RIPOR2: variants seen among roughly 807,000 people sequenced by gnomAD.
RIPOR2 encodes RHO family interacting cell polarization regulator 2.
A neutral mutation model predicts 114.5 loss-of-function variants in RIPOR2; 39 were observed. The ratio of observed to expected loss-of-function variants is 0.34; its 90% CI spans 0.26 to 0.44. The LOEUF is 0.44. RIPOR2 is among the 20% of genes least tolerant of loss of function. RIPOR2 has a pLI of 1.00. For missense variants in RIPOR2, 1,007 were observed against 1,255.1 expected (o/e 0.80, Z 2.99); for synonymous variants, 445 against 484.4 (o/e 0.92, Z 1.07).
chr6:25,009,939 A>C (rs1315709286), intron 1 of RIPOR2, among the ~76,000 whole-genome samples: 1 of 152,048 alleles, frequency 6.6e-6, no homozygotes, highest in Admixed American at 6.6e-5. Flanking sequence ...GAGGCAGGAG[A>C]GCATGGGAGA....
At chr6:25,012,404 T>TAC (rs1188349639) in intron 1 of RIPOR2, among the ~76,000 whole-genome samples, 22 of 152,288 alleles carry the variant, frequency 1.4e-4, no homozygotes, top group Non-Finnish European at 2.9e-4. Flanking sequence ...AAAACATATA[T>TAC]ACACATAATG....
intron 1 of RIPOR2, among the ~76,000 whole-genome samples, chr6:24,934,822 T>C (rs1474668958): frequency 6.6e-6 from 1 of 152,112 alleles, no homozygotes; most frequent in East Asian, 1.9e-4. Flanking sequence ...CCCTTTAAAA[T>C]CGCAACCTTT....
At chr6:25,023,554 C>T (rs571092633) in intron 1 of RIPOR2, 6 of 773,064 alleles carry the variant, frequency 7.8e-6, no homozygotes, top group Non-Finnish European at 1.4e-5. Flanking sequence ...ATTTCAAGCC[C>T]AGGCCTTGTT....
intron 1 of RIPOR2, among the ~76,000 whole-genome samples, chr6:24,894,124 T>C (rs1252531548): frequency 6.6e-6 from 1 of 152,232 alleles, no homozygotes; most frequent in Non-Finnish European, 1.5e-5. Flanking sequence ...CATCTCCTGG[T>C]GGCTACACAG....
intron 1 of RIPOR2, among the ~76,000 whole-genome samples, chr6:25,005,951 A>G (rs1775546788): frequency 6.6e-6 from 1 of 151,760 alleles, no homozygotes; most frequent in South Asian, 2.1e-4. Context: ...AAACTCTACA[A>G]TTCTATGCCC....
chr6:24,818,883 A>G (rs1759417460), intron 19 of RIPOR2, among the ~76,000 whole-genome samples: 1 of 151,758 alleles, frequency 6.6e-6, no homozygotes, highest in Non-Finnish European at 1.5e-5. Context: ...GAGTAACATA[A>G]TGACCGTGGG....
At chr6:24,852,089 A>G (rs898783882) in intron 9 of RIPOR2, among the ~76,000 whole-genome samples, 1 of 151,850 alleles carries the variant, frequency 6.6e-6, no homozygotes, top group East Asian at 1.9e-4. Flanking sequence ...GTGAAACCCC[A>G]TCTCTACTAA....
chr6:24,972,608 A>G (rs1773836358), intron 1 of RIPOR2, among the ~76,000 whole-genome samples: 1 of 152,222 alleles, frequency 6.6e-6, no homozygotes. Context: ...GGATATTATA[A>G]TGCCTCATGG....
intron 1 of RIPOR2, among the ~76,000 whole-genome samples, chr6:25,029,523 C>A (rs933583705): frequency 1.3e-5 from 2 of 151,482 alleles, no homozygotes; most frequent in African/African-American, 4.9e-5. Context: ...TTGACTGTAC[C>A]GAGAGAGTGA....
intron 1 of RIPOR2, among the ~76,000 whole-genome samples, chr6:24,941,344 G>A (rs1378266781): frequency 1.3e-5 from 2 of 151,874 alleles, no homozygotes; most frequent in Non-Finnish European, 2.9e-5. Context: ...AGGTATGACT[G>A]CTGGGAGTGG....
intron 1 of RIPOR2, among the ~76,000 whole-genome samples, chr6:24,986,348 G>A (rs1774527769): frequency 6.6e-6 from 1 of 152,146 alleles, no homozygotes; most frequent in African/African-American, 2.4e-5. Context: ...GATACTTTTT[G>A]GAGGACTCAT....
At chr6:24,904,103 C>T (rs115291204) in intron 1 of RIPOR2, among the ~76,000 whole-genome samples, 3,050 of 152,254 alleles carry the variant, frequency 0.02, 40 homozygotes, top group Non-Finnish European at 0.03. Flanking sequence ...AAGGTAGAAG[C>T]GGGGGCAAGG....
intron 1 of RIPOR2, among the ~76,000 whole-genome samples, chr6:24,879,323 C>G (rs191541725): frequency 6.6e-6 from 1 of 152,054 alleles, no homozygotes; most frequent in Non-Finnish European, 1.5e-5. Context: ...TCCAGCCTGG[C>G]GAGAGTGGGG....
chr6:25,023,759 G>T (rs1481239877), intron 1 of RIPOR2: 5 of 801,200 alleles, frequency 6.2e-6, no homozygotes, highest in African/African-American at 1.7e-5. Context: ...CAAGGAGGTC[G>T]GGTGGGTGGA....
chr6:24,835,823 G>T lies in RIPOR2; in HGVS notation c.2088C>A (p.Leu696=), dbSNP rs1180391937. Residue 696 remains leucine, a synonymous_variant, in exon 15 of 22, where the codon CTC becomes CTA. Transcript: ENST00000643898. ...PEARGHLSEA[L]TEDTGVGTSV... is the part of the protein sequence containing the mutation. ...TGGTCCCAACTCCTGTGTCTTCAGT[G>T]AGCGCTTCACTGAGATGCCCCCTGG... The T allele has an allele frequency of 1.3e-6, 2 of 1,551,478 alleles. No individual in the cohort carries two copies. Among genetic ancestry groups the T allele is most frequent in the Non-Finnish European group, 1.7e-6 (2 of 1,146,978 alleles).
rs569359523 is a variant in RIPOR2, at chr6:24,968,350, C to T, written c.76+73501G>A. Reference sequence around the variant, plus strand: ...TGCCATTAAGAGGTCAGAGAGGACCCCTCCACTTCTGGAAGCACCTTTGGG... The same window carrying T: ...TGCCATTAAGAGGTCAGAGAGGACCTCTCCACTTCTGGAAGCACCTTTGGG... On this transcript the variant is annotated intron_variant, in intron 1 of 13. Coordinates refer to the RIPOR2 transcript ENST00000510784. Among the ~76,000 whole-genome samples, 5 of 152,278 alleles carry T rather than the reference C, an allele frequency of 3.3e-5. No homozygotes were observed. The South Asian group carries it at 1.0e-3, about 32-fold the overall frequency.
intron 1 of RIPOR2, among the ~76,000 whole-genome samples, chr6:24,970,821 T>G (rs566940459): frequency 6.6e-6 from 1 of 152,052 alleles, no homozygotes; most frequent in South Asian, 2.1e-4. Flanking sequence ...GTGGTAGGAG[T>G]CTGCACTCTG....
At chr6:24,924,859 G>C (rs529584243) in intron 1 of RIPOR2, among the ~76,000 whole-genome samples, 11 of 152,264 alleles carry the variant, frequency 7.2e-5, no homozygotes, top group African/African-American at 2.6e-4. Flanking sequence ...TAGATAAATA[G>C]TTTAGGCTTT....
intron 1 of RIPOR2, among the ~76,000 whole-genome samples, chr6:25,024,804 C>A (rs1776527662): frequency 6.6e-6 from 1 of 152,208 alleles, no homozygotes; most frequent in South Asian, 2.1e-4. Context: ...AGCTGATAAT[C>A]ATTTCTAGAT....
Sources: gnomAD v4.1 joint callset for allele counts (sites outside exome capture counted in the v4.1 genomes callset) on GRCh38, gnomAD v4.1.1 for gene constraint, MANE v1.5 for transcripts, NCBI Gene and HGNC (gene_info 2026-07-23, HGNC 2026-07-21) for gene names.